The following CHRNB4 variants were observed in gnomAD, a reference collection of about 807,000 sequenced individuals.
The protein encoded by CHRNB4 is cholinergic receptor nicotinic beta 4 subunit.
In CHRNB4, 23 loss-of-function variants were observed where a neutral mutation model predicts 40.4. The observed-to-expected ratio is 0.57, with a 90% CI of 0.41 to 0.81. The LOEUF (loss-of-function observed/expected upper bound fraction) is 0.81. Ranked by LOEUF, CHRNB4 falls within the 30% of genes least tolerant of loss-of-function variation. CHRNB4 has a pLI of 0.00. For synonymous variants in CHRNB4, 285 were observed against 274.4 expected, an observed-to-expected ratio of 1.04 and a Z score of -0.38; for missense variants, 568 against 670.6, an observed-to-expected ratio of 0.85 and a Z score of 1.69.
Position 78,625,145 on chromosome 15 carries a change from G to A in CHRNB4, c.1485C>T (p.Ala495=), listed in dbSNP as rs765273101. 6 of 1,613,954 alleles carry A rather than the reference G, an allele frequency of 3.7e-6. No homozygotes were observed. The Admixed American group carries it at 5.0e-5, about 13-fold the overall frequency. Residue 495 remains alanine, a synonymous_variant, in exon 6 of 6, where the codon GCC becomes GCT. Transcript: ENST00000261751. ...THAASEGPYA[A]QRD The stretch of plus-strand genomic sequence containing the variant: ...ACCCAGGGGGCCCTCAGTCACGCTG[G>A]GCAGCGTAGGGCCCCTCAGAAGCTG...
chr15:78,659,051 G>A (rs184516820), intron 1 of CHRNB4, among the ~76,000 whole-genome samples: 108 of 152,280 alleles, frequency 7.1e-4, no homozygotes, highest in Non-Finnish European at 1.4e-3. Flanking sequence ...AAGTCCTAGG[G>A]ATACAGTAGT....
At chr15:78,653,553 T>G (rs946606968) in intron 5 of CHRNB4, among the ~76,000 whole-genome samples, 1 of 152,204 alleles carries the variant, frequency 6.6e-6, no homozygotes, top group African/African-American at 2.4e-5. Context: ...TCTTCCCTTT[T>G]GTGACTGTGA....
At chr15:78,638,814 C>T (rs1016869386) in intron 1 of CHRNB4, among the ~76,000 whole-genome samples, 1 of 152,236 alleles carries the variant, frequency 6.6e-6, no homozygotes, top group African/African-American at 2.4e-5. Flanking sequence ...GCCTTTCACC[C>T]CCAGGTGGCA....
intron 1 of CHRNB4, among the ~76,000 whole-genome samples, chr15:78,635,808 T>C (rs1051180029): frequency 6.6e-6 from 1 of 152,164 alleles, no homozygotes; most frequent in African/African-American, 2.4e-5. Context: ...CCTCCTCCTC[T>C]TCCCTCTAGC....
chr15:78,625,040 T>G lies in CHRNB4; in HGVS notation c.*93A>C, dbSNP rs2053617756. ...GGGTTGATGGCCAATGCTCACATAT[T>G]TACTTAGGGCCTCATCAGCCACAAC... On this transcript the variant is annotated 3_prime_UTR_variant, in exon 6 of 6. Transcript: ENST00000261751. The G allele has an allele frequency of 6.2e-7, 1 of 1,605,556 alleles. No individual in the cohort carries two copies. The highest frequency in any genetic ancestry group is 8.5e-7 in the Non-Finnish European group (1 of 1,179,812).
chr15:78,630,060 T>TC (rs1245852750), intron 4 of CHRNB4, 115 bp from the exon 5 acceptor site: 1 of 1,206,066 alleles, frequency 8.3e-7, no homozygotes, highest in African/African-American at 1.5e-5. Context: ...ACCCTTCCAA[T>TC]CCCCCAGGCC....
chr15:78,626,381 TG>T (rs5813933), intron 5 of CHRNB4: 27,586 of 81,600 alleles, frequency 0.34, 3,163 homozygotes, highest in Admixed American at 0.5. Context: ...TGTGTGTGTG[TG>T]TGTTTCCCCC....
intron 5 of CHRNB4, among the ~76,000 whole-genome samples, chr15:78,653,592 C>T (rs538125816): frequency 6.6e-6 from 1 of 152,362 alleles, no homozygotes; most frequent in African/African-American, 2.4e-5. Flanking sequence ...AACCTCCTAG[C>T]TGCAAGAATG....
At chr15:78,648,753 CAAA>C (rs35846146) in intron 7 of CHRNB4, among the ~76,000 whole-genome samples, 4,883 of 79,972 alleles carry the variant, frequency 0.061, 272 homozygotes, top group African/African-American at 0.18. Context: ...GACTCTGTCT[CAAA>C]AAAAAAAAAA....
At chr15:78,627,479 GT>G (rs1409055818) in intron 5 of CHRNB4, 1 of 152,184 alleles carries the variant, frequency 6.6e-6, no homozygotes, top group Non-Finnish European at 1.5e-5. Context: ...TTCTGGGGCT[GT>G]TCCTGCTCTT....
chr15:78,656,996 GA>G, intron 3 of CHRNB4, among the ~76,000 whole-genome samples: 1 of 152,062 alleles, frequency 6.6e-6, no homozygotes, highest in East Asian at 1.9e-4. Flanking sequence ...TCTCTAGAAT[GA>G]AACTCACAAT....
chr15:78,647,281 T>C (rs938169807), intron 7 of CHRNB4, among the ~76,000 whole-genome samples: 1 of 152,062 alleles, frequency 6.6e-6, no homozygotes, highest in African/African-American at 2.4e-5. Context: ...TATTTGCAAT[T>C]CATATAATCA....
intron 7 of CHRNB4, among the ~76,000 whole-genome samples, chr15:78,647,642 C>G (rs775305072): frequency 1.4e-5 from 2 of 145,022 alleles, no homozygotes; most frequent in African/African-American, 2.6e-5. Context: ...GTCAGGAGAT[C>G]GAGACCATCC....
chr15:78,638,635 G>GC (rs565948746), intron 1 of CHRNB4, among the ~76,000 whole-genome samples: 7 of 151,964 alleles, frequency 4.6e-5, no homozygotes, highest in African/African-American at 1.7e-4. Context: ...GGCCGGGGGG[G>GC]TGGTGCACTG....
At chr15:78,658,028 CTTTTTTTTTTT>C (rs71448810) in intron 2 of CHRNB4, among the ~76,000 whole-genome samples, 1 of 90,508 alleles carries the variant, frequency 1.1e-5, no homozygotes, top group Non-Finnish European at 2.0e-5. Flanking sequence ...TCTTGTTTCT[CTTTTTTTTTTT>C]TTTTTTTTTT....
At chr15:78,637,097 T>A (rs977871472) in intron 1 of CHRNB4, among the ~76,000 whole-genome samples, 1 of 152,182 alleles carries the variant, frequency 6.6e-6, no homozygotes, top group African/African-American at 2.4e-5. Context: ...TGGCTCCTCA[T>A]CTGGAGCTTC....
In CHRNB4 at chr15:78,624,357, G is replaced by C. The variant is rs974349286; in HGVS notation, c.*776C>G. ...TAGAATGATTGGGTGGTTAGGGAAG[G>C]CCTCTCAGAGGAGGTGACATTGGAG... On this transcript the variant is annotated 3_prime_UTR_variant, in exon 6 of 6. Transcript: ENST00000261751. 2.0e-5 allele frequency: 3 copies of C among 152,074 alleles called. No homozygotes were observed. Among genetic ancestry groups the C allele is most frequent in the Non-Finnish European group, 4.4e-5 (3 of 68,508 alleles). 9.4% of individuals were successfully genotyped at this position (152,074 alleles called of 1,614,324 possible).
intron 2 of CHRNB4, chr15:78,634,615 C>T (rs1184258895): frequency 2.3e-6 from 1 of 426,592 alleles, no homozygotes; most frequent in East Asian, 7.1e-5. Context: ...TTTCAGAAGG[C>T]AGCTACCTGG....
upstream of CHRNB4, among the ~76,000 whole-genome samples, chr15:78,641,521 G>T (rs139573518): frequency 2.3e-3 from 355 of 152,342 alleles, no homozygotes; most frequent in African/African-American, 7.3e-3. Flanking sequence ...GTGCTTGAGC[G>T]GGGAGGTCCT....
Sources: allele counts gnomAD v4.1 joint callset (sites outside exome capture counted in the v4.1 genomes callset), GRCh38; gene constraint gnomAD v4.1.1; transcripts MANE v1.5; gene names NCBI Gene and HGNC (gene_info 2026-07-23, HGNC 2026-07-21).